Variants in PRKAG2 observed in about 807,000 individuals in gnomAD.
PRKAG2 encodes the protein protein kinase AMP-activated non-catalytic subunit gamma 2.
In PRKAG2, 26 loss-of-function variants were observed where a neutral mutation model predicts 69.6. The ratio of observed to expected loss-of-function variants is 0.37; its 90% CI spans 0.27 to 0.52. The LOEUF is 0.52. Among genes scored for constraint, PRKAG2 ranks in the 20% least tolerant of loss-of-function variants. PRKAG2 has a pLI of 0.90. For synonymous variants in PRKAG2, 293 were observed against 285.0 expected, an observed-to-expected ratio of 1.03 and a Z score of -0.28; for missense variants, 557 against 740.0, an observed-to-expected ratio of 0.75 and a Z score of 2.87.
At chr7:151,636,040 A>C (rs1321645202) in intron 4 of PRKAG2, among the ~76,000 whole-genome samples, 1 of 151,328 alleles carries the variant, frequency 6.6e-6, no homozygotes, top group Non-Finnish European at 1.5e-5. Context: ...TTTAGTAGAG[A>C]CTGGGTTTCA....
chr7:151,701,113 C>T (rs1462775023), intron 3 of PRKAG2, among the ~76,000 whole-genome samples: 1 of 152,092 alleles, frequency 6.6e-6, no homozygotes, highest in Non-Finnish European at 1.5e-5. Context: ...TCAGGGGCTG[C>T]CCCCCAGGGA....
At chr7:151,750,260 T>A (rs2074577272) in intron 3 of PRKAG2, among the ~76,000 whole-genome samples, 1 of 152,082 alleles carries the variant, frequency 6.6e-6, no homozygotes, top group Admixed American at 6.5e-5. Flanking sequence ...CAGTCCTAGG[T>A]ATATACCCAA....
In PRKAG2 at chr7:151,807,416, C is replaced by A; in HGVS notation, c.115-20875G>T. 2.2e-6 allele frequency: 1 copy of A among 457,806 alleles called. No homozygotes were observed. The highest frequency in any genetic ancestry group is 4.4e-6 in the Non-Finnish European group (1 of 226,954). 28.4% of individuals were successfully genotyped at this position (457,806 alleles called of 1,614,324 possible). On this transcript the variant is annotated intron_variant, in intron 1 of 15. Coordinates refer to ENST00000287878, the MANE Select transcript of PRKAG2 (RefSeq NM_016203.4). The surrounding 1 kb of genome is among the most constrained non-coding windows in gnomAD (Gnocchi z 4.4). ...AAGCAGCTGTGCTGTGGGTGACGGT[C>A]ATACTTTATTCTCTAAAACTCTCCA...
chr7:151,809,523 CT>C (rs2078306824), intron 1 of PRKAG2: 1 of 252,188 alleles, frequency 4.0e-6, no homozygotes, highest in African/African-American at 2.3e-5. Flanking sequence ...CCTGCTTGCT[CT>C]TCAGATGCAA....
intron 5 of PRKAG2, among the ~76,000 whole-genome samples, chr7:151,598,291 G>T (rs932003098): frequency 4.6e-5 from 7 of 152,162 alleles, no homozygotes; most frequent in African/African-American, 1.7e-4. Flanking sequence ...GGTTACCAGA[G>T]GCTGGGGAGG....
At chr7:151,741,154 AGTGAGCCATGATC>A (rs2073859732) in intron 3 of PRKAG2, among the ~76,000 whole-genome samples, 1 of 151,628 alleles carries the variant, frequency 6.6e-6, no homozygotes, top group Non-Finnish European at 1.5e-5. Context: ...TCCAGGCTCT[AGTGAGCCATGATC>A]CTGCCACTGC....
chr7:151,801,727 G>A (rs2151839340), intron 1 of PRKAG2, among the ~76,000 whole-genome samples: 1 of 152,260 alleles, frequency 6.6e-6, no homozygotes, highest in South Asian at 2.1e-4. Flanking sequence ...AGGAGGAGAG[G>A]GAAGAAAACT....
At chr7:151,560,882 T>C (rs1028173050) in intron 14 of PRKAG2, among the ~76,000 whole-genome samples, 3 of 152,074 alleles carry the variant, frequency 2.0e-5, no homozygotes, top group African/African-American at 7.2e-5. Flanking sequence ...CAGTGCACTC[T>C]AGCTTGGGTG....
chr7:151,669,754 A>ACGCACACACACC (rs1263848271), intron 4 of PRKAG2, among the ~76,000 whole-genome samples: 1 of 151,376 alleles, frequency 6.6e-6, no homozygotes, highest in Non-Finnish European at 1.5e-5. Flanking sequence ...ACACACCTGC[A>ACGCACACACACC]TGCACACACA....
At chr7:151,870,197 G>GCAGA (rs879464644) in intron 1 of PRKAG2, among the ~76,000 whole-genome samples, 2 of 143,844 alleles carry the variant, frequency 1.4e-5, no homozygotes, top group East Asian at 2.0e-4. Flanking sequence ...AGGCAGGCAG[G>GCAGA]CAGACAGAGG....
At chr7:151,605,452 TGGC>T (rs1817282013) in intron 5 of PRKAG2, among the ~76,000 whole-genome samples, 1 of 151,902 alleles carries the variant, frequency 6.6e-6, no homozygotes, top group Non-Finnish European at 1.5e-5. Flanking sequence ...TTAAATTTTA[TGGC>T]TGGGTGCAGT....
intron 3 of PRKAG2, among the ~76,000 whole-genome samples, chr7:151,738,327 C>T (rs13237828): frequency 1.8e-5 from 2 of 112,610 alleles, no homozygotes; most frequent in East Asian, 4.1e-4. Flanking sequence ...AGATCTGCCA[C>T]TCACACGGGG....
chr7:151,843,198 G>A (rs1563747667), intron 1 of PRKAG2, among the ~76,000 whole-genome samples: 1 of 152,108 alleles, frequency 6.6e-6, no homozygotes, highest in African/African-American at 2.4e-5. Flanking sequence ...TGCAGCATAT[G>A]TACACAGATA....
At chr7:151,876,189 C>T (rs1021732101) in intron 1 of PRKAG2, among the ~76,000 whole-genome samples, 1 of 152,114 alleles carries the variant, frequency 6.6e-6, no homozygotes, top group South Asian at 2.1e-4. Flanking sequence ...CACCGCCCCC[C>T]GCACCCGCAC....
intron 5 of PRKAG2, among the ~76,000 whole-genome samples, chr7:151,631,283 C>T (rs1025452948): frequency 6.6e-6 from 1 of 152,216 alleles, no homozygotes; most frequent in African/African-American, 2.4e-5. Flanking sequence ...CGACTCTGAG[C>T]TCATCACATT....
intron 1 of PRKAG2, among the ~76,000 whole-genome samples, chr7:151,855,471 GCTCCACACA>G (rs2079737586): frequency 1.2e-4 from 1 of 8,162 alleles, no homozygotes; most frequent in Non-Finnish European, 2.3e-4. Context: ...CACACACCAT[GCTCCACACA>G]CCACCCTCCA....
At chr7:151,726,305 C>T (rs995262941) in intron 3 of PRKAG2, among the ~76,000 whole-genome samples, 3 of 151,940 alleles carry the variant, frequency 2.0e-5, no homozygotes, top group Middle Eastern at 6.8e-3. Flanking sequence ...GCATGCAGGG[C>T]GCCAGGTTAG....
intron 15 of PRKAG2, chr7:151,558,862 CA>C: frequency 1.0e-6 from 1 of 985,374 alleles, no homozygotes; most frequent in Middle Eastern, 5.2e-4. Context: ...TGAACTCATC[CA>C]GCACAACCGT....
intron 6 of PRKAG2, among the ~76,000 whole-genome samples, chr7:151,580,587 AT>A (rs1450671392): frequency 3.9e-5 from 6 of 152,160 alleles, no homozygotes; most frequent in Non-Finnish European, 8.8e-5. Flanking sequence ...CATTTTTTGC[AT>A]TGTTTGGGAC....
Sources: allele counts gnomAD v4.1 joint callset (sites outside exome capture counted in the v4.1 genomes callset), GRCh38; gene constraint gnomAD v4.1.1; non-coding constraint Gnocchi (gnomAD v3.1); transcripts MANE v1.5; gene names NCBI Gene and HGNC (gene_info 2026-07-23, HGNC 2026-07-21).